Variants in CDC5L observed in about 807,000 individuals in gnomAD.
CDC5L encodes the protein cell division cycle 5 like.
Under a neutral mutation model 104.1 loss-of-function variants are expected in CDC5L, and 18 were observed. That is an observed-to-expected ratio of 0.17 (90% CI 0.12 to 0.26). The LOEUF (loss-of-function observed/expected upper bound fraction) is 0.26. Among genes scored for constraint, CDC5L ranks in the 10% least tolerant of loss-of-function variants. CDC5L has a pLI of 1.00. For missense variants in CDC5L, 673 were observed against 956.9 expected, an observed-to-expected ratio of 0.70 and a Z score of 3.91; for synonymous variants, 331 against 322.7, an observed-to-expected ratio of 1.03 and a Z score of -0.28.
chr6:44,392,569 A>T (rs552593060), intron 2 of CDC5L, 98 bp from the exon 3 acceptor site: 1 of 1,054,954 alleles, frequency 9.5e-7, no homozygotes, highest in Admixed American at 2.5e-5. Context: ...CAGTTTTTGT[A>T]ATTGAAGGAT....
intron 11 of CDC5L, among the ~76,000 whole-genome samples, chr6:44,425,531 A>C (rs200601956): frequency 1.6e-5 from 2 of 125,888 alleles, no homozygotes; most frequent in African/African-American, 5.4e-5. Flanking sequence ...CTTGAATCTC[A>C]GGGGATTGGA....
chr6:44,404,712 T>A (rs1425529564), intron 6 of CDC5L, among the ~76,000 whole-genome samples: 2 of 152,070 alleles, frequency 1.3e-5, no homozygotes, highest in African/African-American at 2.4e-5. Flanking sequence ...TTTTTTTTTT[T>A]AAGACAAGGT....
rs1397209961 is a variant in CDC5L, at chr6:44,440,880, G to A, written c.2092-4775G>A. On this transcript the variant is annotated intron_variant, in intron 14 of 15. Transcript: ENST00000371477. ...GTGCCACCTTGCCTAGCTAATTTTT[G>A]TATTTTTAATAGAGATGGCGTTTCA... Among the ~76,000 whole-genome samples, 5 of 151,758 alleles carry A rather than the reference G, an allele frequency of 3.3e-5. No homozygotes were observed. The East Asian group carries it at 7.8e-4, about 24-fold the overall frequency.
Position 44,446,700 on chromosome 6 carries a change from T to C in CDC5L, c.2398T>C (p.Ser800Pro). The change falls in exon 16 of 16, where the codon TCA becomes CCA. Residue 800 changes from serine to proline, a missense_variant. Ser to Pro is a moderately conservative substitution (Grantham distance 74, BLOSUM62 -1). This residue lies in a region of CDC5L where 578 missense variants were observed against 737.0 expected (regional missense o/e 0.78). Transcript: ENST00000371477. The stretch of plus-strand genomic sequence containing the variant: ...GCTGCTGGAGAAAGAGACTTTAAAG[T>C]CAAAATTCTGAAGTACAGTTTATAT... ...DLLLEKETLKSKF is the reference protein window; with the variant it reads ...DLLLEKETLKPKF 6.5e-7 allele frequency: 1 copy of C among 1,528,684 alleles called. No individual in the cohort carries two copies. The highest frequency in any genetic ancestry group is 1.2e-5 in the South Asian group (1 of 84,950). 94.7% of individuals were successfully genotyped at this position (1,528,684 alleles called of 1,614,324 possible). A position where few individuals can be genotyped will look rare whatever the true frequency, so the allele number is the denominator to read the frequency against.
At chr6:44,404,136 A>G in intron 6 of CDC5L, 109 bp downstream of exon 6, 1 of 708,930 alleles carries the variant, frequency 1.4e-6, no homozygotes, top group East Asian at 3.3e-5. Flanking sequence ...TATTTATTTT[A>G]CATTTTTTAA....
At chr6:44,405,601 TTTAA>T (rs1451022228) in intron 6 of CDC5L, among the ~76,000 whole-genome samples, 5 of 152,242 alleles carry the variant, frequency 3.3e-5, no homozygotes, top group Non-Finnish European at 7.3e-5. Context: ...TAAAGGGAAA[TTTAA>T]TTATGTTTTA....
intron 14 of CDC5L, among the ~76,000 whole-genome samples, chr6:44,436,980 T>C (rs1792969013): frequency 6.6e-6 from 1 of 152,236 alleles, no homozygotes; most frequent in African/African-American, 2.4e-5. Flanking sequence ...TCAGTACATA[T>C]TTAAAGCACA....
At chr6:44,397,833 CT>C (rs1168315870) in intron 5 of CDC5L, among the ~76,000 whole-genome samples, 1 of 152,228 alleles carries the variant, frequency 6.6e-6, no homozygotes, top group African/African-American at 2.4e-5. Context: ...ATTTTCTTCA[CT>C]TTCCCCTTTT....
chr6:44,437,263 C>T (rs559388270), intron 14 of CDC5L, among the ~76,000 whole-genome samples: 1 of 152,238 alleles, frequency 6.6e-6, no homozygotes, highest in South Asian at 2.1e-4. Context: ...AGACCAGAAA[C>T]TGTAGGTTAG....
chr6:44,417,599 T>C (rs1176145749), intron 8 of CDC5L, among the ~76,000 whole-genome samples: 2 of 152,180 alleles, frequency 1.3e-5, no homozygotes, highest in East Asian at 3.9e-4. Flanking sequence ...AAATAAACTT[T>C]GCCACAGGCC....
chr6:44,407,047 A>G (rs1484425628), intron 7 of CDC5L, among the ~76,000 whole-genome samples: 1 of 152,226 alleles, frequency 6.6e-6, no homozygotes, highest in Non-Finnish European at 1.5e-5. Context: ...ATGGTTTGGT[A>G]AGTAATTATC....
chr6:44,416,408 AAGG>A (rs1791910278), intron 8 of CDC5L, among the ~76,000 whole-genome samples: 1 of 152,084 alleles, frequency 6.6e-6, no homozygotes, highest in Non-Finnish European at 1.5e-5. Context: ...GCTGCCTGTA[AAGG>A]AGGAGAATTG....
At chr6:44,410,754 A>G (rs768560557) in intron 8 of CDC5L, among the ~76,000 whole-genome samples, 1 of 152,064 alleles carries the variant, frequency 6.6e-6, no homozygotes. Context: ...GTCTTTTTCA[A>G]CCACTGTGGA....
intron 1 of CDC5L, 83 bp downstream of exon 1, chr6:44,387,951 C>A: frequency 1.5e-6 from 2 of 1,344,786 alleles, no homozygotes; most frequent in Non-Finnish European, 2.1e-6. Context: ...GGGGGGGCGA[C>A]GAGGAGACCC....
At position 44,446,708 on chromosome 6, in the gene CDC5L, C is replaced by T. The variant is rs1003994187; in HGVS notation, c.2406C>T (p.Phe802=). 6.8e-7 allele frequency: 1 copy of T among 1,469,144 alleles called. No individual in the cohort carries two copies. Among genetic ancestry groups the T allele is most frequent in the Non-Finnish European group, 9.4e-7 (1 of 1,061,420 alleles). 91.0% of individuals were successfully genotyped at this position (1,469,144 alleles called of 1,614,324 possible). ...AGAAAGAGACTTTAAAGTCAAAATT[C>T]TGAAGTACAGTTTATATTCTGTCAC... is the stretch of plus-strand genomic sequence containing the variant. The part of the protein sequence containing the change: ...LLEKETLKSK[F] The change falls in exon 16 of 16, where the codon TTC becomes TTT. Residue 802 remains phenylalanine (F), a synonymous_variant. Transcript: ENST00000371477.
At chr6:44,436,021 A>G (rs1179244956) in intron 14 of CDC5L, among the ~76,000 whole-genome samples, 2 of 152,040 alleles carry the variant, frequency 1.3e-5, no homozygotes, top group East Asian at 3.9e-4. Flanking sequence ...CAAGTGATCC[A>G]CCCACCTTGG....
chr6:44,434,053 C>G lies in CDC5L; in HGVS notation c.2091+4143C>G, dbSNP rs1581659649. On this transcript the variant is annotated intron_variant, in intron 14 of 15. Coordinates refer to ENST00000371477, the MANE Select transcript of CDC5L (RefSeq NM_001253.4). Reference sequence around the variant, plus strand: ...AATTCACAGTACTTTGGAATACTCTCTCTTTCCCAAATTCTGTTCTTTGCT... The same window carrying G: ...AATTCACAGTACTTTGGAATACTCTGTCTTTCCCAAATTCTGTTCTTTGCT... 4.6e-5 allele frequency among the ~76,000 whole-genome samples: 7 copies of G among 152,276 alleles called. No individual in the cohort carries two copies. The South Asian group carries it at 1.5e-3, about 32-fold the overall frequency.
intron 5 of CDC5L, among the ~76,000 whole-genome samples, chr6:44,398,767 G>A (rs1319268151): frequency 1.3e-5 from 2 of 152,152 alleles, no homozygotes; most frequent in Non-Finnish European, 2.9e-5. Context: ...TTTAAAGAAT[G>A]AAATTACTTT....
chr6:44,439,856 A>G (rs191425578), intron 14 of CDC5L, among the ~76,000 whole-genome samples: 100 of 152,324 alleles, frequency 6.6e-4, no homozygotes, highest in Admixed American at 3.1e-3. Flanking sequence ...AAATGGAGAC[A>G]CATAGGTTAA....
Sources: allele counts gnomAD v4.1 joint callset (sites outside exome capture counted in the v4.1 genomes callset), GRCh38; gene constraint gnomAD v4.1.1; regional missense constraint gnomAD v4.1.1; transcripts MANE v1.5; gene names NCBI Gene and HGNC (gene_info 2026-07-23, HGNC 2026-07-21).